The following TBC1D22A variants were observed in gnomAD, a reference collection of about 807,000 sequenced individuals.
The protein encoded by TBC1D22A is putative GTPase activator.
TBC1D22A carries 38 observed loss-of-function variants against 60.2 expected under a neutral mutation model. That is an observed-to-expected ratio of 0.63 (90% confidence interval 0.49 to 0.83). The LOEUF (loss-of-function observed/expected upper bound fraction) is 0.83. TBC1D22A is among the 40% of genes least tolerant of loss of function. The pLI is 0.00. For missense variants in TBC1D22A, 628 were observed against 701.0 expected, an observed-to-expected ratio of 0.90 and a Z score of 1.18; for synonymous variants, 302 against 281.7, an observed-to-expected ratio of 1.07 and a Z score of -0.72.
At chr22:47,094,155 T>C (rs530306083) in intron 11 of TBC1D22A, among the ~76,000 whole-genome samples, 1 of 152,324 alleles carries the variant, frequency 6.6e-6, no homozygotes, top group South Asian at 2.1e-4. Context: ...TGTCCGGATC[T>C]GGTGAGTTTC....
At chr22:47,072,828 T>C (rs748591343) in intron 11 of TBC1D22A, among the ~76,000 whole-genome samples, 3 of 152,212 alleles carry the variant, frequency 2.0e-5, no homozygotes, top group Admixed American at 6.5e-5. Context: ...TGGCCATACA[T>C]GTCATGGTCT....
intron 12 of TBC1D22A, among the ~76,000 whole-genome samples, chr22:47,144,466 G>A (rs188142052): frequency 1.9e-4 from 29 of 152,336 alleles, no homozygotes; most frequent in African/African-American, 6.0e-4. Flanking sequence ...GCCTTGGGTC[G>A]CCACGCAAGG....
intron 10 of TBC1D22A, among the ~76,000 whole-genome samples, chr22:47,030,304 T>C (rs2062424862): frequency 1.3e-5 from 2 of 152,246 alleles, no homozygotes; most frequent in South Asian, 2.1e-4. Flanking sequence ...CTTCGGGTGA[T>C]AAATCTGAGT....
intron 8 of TBC1D22A, among the ~76,000 whole-genome samples, chr22:46,920,059 G>GTATGTATGTATA (rs2070652537): frequency 6.8e-6 from 1 of 148,044 alleles, no homozygotes; most frequent in East Asian, 1.9e-4. Flanking sequence ...GTGTTTGTTT[G>GTATGTATGTATA]TATGTATGTA....
intron 12 of TBC1D22A, among the ~76,000 whole-genome samples, chr22:47,172,683 C>T (rs1054688088): frequency 1.3e-5 from 2 of 152,190 alleles, no homozygotes; most frequent in African/African-American, 4.8e-5. Context: ...CAAATAAGCA[C>T]ATTAGAAAGC....
At chr22:47,018,858 A>G (rs752580649) in intron 10 of TBC1D22A, among the ~76,000 whole-genome samples, 2 of 151,862 alleles carry the variant, frequency 1.3e-5, no homozygotes, top group Non-Finnish European at 2.9e-5. Flanking sequence ...TGTCACTCAC[A>G]TTTTTCTGGA....
chr22:46,789,841 T>C (rs553105917), intron 1 of TBC1D22A, among the ~76,000 whole-genome samples: 17 of 152,306 alleles, frequency 1.1e-4, no homozygotes, highest in African/African-American at 3.9e-4. Flanking sequence ...TCTAGGTGGA[T>C]TGAAAACTTA....
rs79295702 is a variant in TBC1D22A at position 47,128,588 on chromosome 22, C to T, written c.1425+16985C>T. ...CAAAGAAGAGAAATGGAGTCCTGCA[C>T]GAGGCTGCAGAAAATCGATTTTCGT... On this transcript the variant is annotated intron_variant, in intron 12 of 12. Transcript: ENST00000337137. Among the ~76,000 whole-genome samples, 540 of 151,702 alleles carry T rather than the reference C, an allele frequency of 3.6e-3. 5 individuals are homozygous for T. Among genetic ancestry groups the T allele is most frequent in the South Asian group, 0.021 (100 of 4,774 alleles).
intron 12 of TBC1D22A, among the ~76,000 whole-genome samples, chr22:47,153,504 AG>A (rs2067587314): frequency 6.6e-6 from 1 of 151,104 alleles, no homozygotes; most frequent in Admixed American, 6.6e-5. Flanking sequence ...GCGTGAGAGA[AG>A]GGGGCCCGGT....
chr22:46,947,042 C>T (rs747788488), intron 8 of TBC1D22A, among the ~76,000 whole-genome samples: 3 of 152,126 alleles, frequency 2.0e-5, no homozygotes, highest in African/African-American at 7.2e-5. Flanking sequence ...GATTTGAGGC[C>T]GAGGGGTCTT....
chr22:46,924,288 G>A (rs1382080147), intron 8 of TBC1D22A, among the ~76,000 whole-genome samples: 4 of 152,144 alleles, frequency 2.6e-5, no homozygotes, highest in Admixed American at 2.6e-4. Flanking sequence ...TGCTGCAGGC[G>A]AGCAATAGGA....
chr22:47,161,085 G>A (rs1055242812), intron 12 of TBC1D22A, among the ~76,000 whole-genome samples: 2 of 152,378 alleles, frequency 1.3e-5, no homozygotes, highest in African/African-American at 4.8e-5. Flanking sequence ...TGGCCCTGGG[G>A]ACACCAGGTG....
At chr22:46,850,586 C>T (rs563698501) in intron 4 of TBC1D22A, among the ~76,000 whole-genome samples, 2 of 152,188 alleles carry the variant, frequency 1.3e-5, no homozygotes, top group South Asian at 2.1e-4. Context: ...TGAGAATGTA[C>T]GGTGACGCAG....
intron 6 of TBC1D22A, among the ~76,000 whole-genome samples, chr22:46,893,798 T>TGCTGGC (rs1335870295): frequency 6.6e-6 from 1 of 152,250 alleles, no homozygotes; most frequent in Admixed American, 6.5e-5. Flanking sequence ...GCAGCACTGC[T>TGCTGGC]GCTGGCGGGC....
intron 12 of TBC1D22A, among the ~76,000 whole-genome samples, chr22:47,136,549 C>G (rs4823470): frequency 0.28 from 42,719 of 151,532 alleles, 6,799 homozygotes; most frequent in East Asian, 0.6. Flanking sequence ...GATGGCCAGA[C>G]CCGGGGACGG....
intron 1 of TBC1D22A, among the ~76,000 whole-genome samples, chr22:46,763,526 C>CATGTGGCGCTGAGCTATG (rs1265015319): frequency 1.4e-5 from 2 of 145,706 alleles, no homozygotes; most frequent in Non-Finnish European, 3.0e-5. Context: ...ATGCCAGGGC[C>CATGTGGCGCTGAGCTATG]CTAGGGAATG....
At chr22:46,875,626 A>G (rs943367510) in intron 4 of TBC1D22A, among the ~76,000 whole-genome samples, 14 of 151,824 alleles carry the variant, frequency 9.2e-5, no homozygotes, top group Non-Finnish European at 1.6e-4. Context: ...TAATTTTTGT[A>G]TTTTTAGTAG....
rs542858066 is a variant in TBC1D22A, at chr22:46,851,275, A to C, written c.638-27378A>C. On this transcript the variant is annotated intron_variant, in intron 4 of 12. Transcript: ENST00000337137. ...AGGTGAGGAATAGTAGTAGACCACG[A>C]GACACAGCTGAACAGGTTCGACTTT... 3.9e-5 allele frequency among the ~76,000 whole-genome samples: 6 copies of C among 152,366 alleles called. No individual in the cohort carries two copies. The South Asian group carries it at 1.0e-3, about 26-fold the overall frequency.
intron 10 of TBC1D22A, among the ~76,000 whole-genome samples, chr22:47,007,700 G>A (rs1045040137): frequency 3.3e-5 from 5 of 152,036 alleles, no homozygotes; most frequent in Admixed American, 2.0e-4. Flanking sequence ...GGGTAGCGGT[G>A]GTGGGGAGGG....
Sources: allele counts gnomAD v4.1 joint callset (sites outside exome capture counted in the v4.1 genomes callset), GRCh38; gene constraint gnomAD v4.1.1; transcripts MANE v1.5; gene names NCBI Gene and HGNC (gene_info 2026-07-23, HGNC 2026-07-21).